Variants in SYPL1 observed in about 807,000 individuals in gnomAD.
SYPL1 encodes the protein synaptophysin-like protein 1.
In SYPL1, 6 loss-of-function variants were observed where a neutral mutation model predicts 23.7. The ratio of observed to expected loss-of-function variants is 0.25; its 90% confidence interval spans 0.14 to 0.50. SYPL1 has a LOEUF of 0.50. SYPL1 is among the 20% of genes least tolerant of loss of function. The pLI, the probability that SYPL1 is intolerant of heterozygous loss-of-function variation, is 0.98. For synonymous variants in SYPL1, 102 were observed against 104.5 expected (o/e 0.98, Z 0.15); for missense variants, 253 against 288.9 (o/e 0.88, Z 0.90).
At chr7:106,107,161 ATCAT>A (rs1393177382) in intron 1 of SYPL1, among the ~76,000 whole-genome samples, 1 of 152,242 alleles carries the variant, frequency 6.6e-6, no homozygotes, top group Non-Finnish European at 1.5e-5. Flanking sequence ...AAGTCAAATG[ATCAT>A]TCAGCACTTA....
Position 106,097,340 on chromosome 7 carries a change from AAAGT to A in SYPL1, c.402+346_402+349del, listed in dbSNP as rs1840063770. Reference sequence around the variant, plus strand: ...AAAGTGGGCCTTTAGAGAAAGAAAAAAAGTAAGAAGCAGAAAGAGTTATGAGACT... The same window carrying A: ...AAAGTGGGCCTTTAGAGAAAGAAAAAAAGAAGCAGAAAGAGTTATGAGACT... On this transcript the variant is annotated intron_variant, in intron 3 of 4. Coordinates refer to ENST00000455385, the MANE Select transcript of SYPL1 (RefSeq NM_182715.4). This position sits in a 1 kb window ranked among gnomAD's most constrained non-coding sequence, Gnocchi z 4.6. 6.6e-6 allele frequency among the ~76,000 whole-genome samples: 1 copy of A among 152,240 alleles called. No homozygotes were observed. The highest frequency in any genetic ancestry group is 2.4e-5 in the African/African-American group (1 of 41,464).
In SYPL1 at chr7:106,097,701, G is replaced by A; in HGVS notation, c.391C>T (p.Leu131Phe). 1 of 1,612,138 alleles carries A rather than the reference G, an allele frequency of 6.2e-7. No individual in the cohort carries two copies. The highest frequency in any genetic ancestry group is 1.3e-5 in the African/African-American group (1 of 75,032). Residue 131 changes from leucine to phenylalanine, a missense_variant, in exon 3 of 5, where the codon CTT (leucine) becomes TTT (phenylalanine). Transcript: ENST00000455385. This position sits in a 1 kb window ranked among gnomAD's most constrained non-coding sequence, Gnocchi z 4.6. ...AAGTGATTACTTACTATCATAGGAA[G>A]TTTACGACTATCCAGATACAGACTC... ...YTSLYLDSRK[L>F]PMIDFVVTLV...
rs1160589711 is a variant in SYPL1, at chr7:106,109,293, G to A, written c.69+2847C>T. On this transcript the variant is annotated intron_variant, in intron 1 of 4. Transcript: ENST00000455385. The surrounding 1 kb of genome is among the most constrained non-coding windows in gnomAD (Gnocchi z 4.3). ...TCTCCCATCTTCACAGTCAAACAGC[G>A]GTTTATGCTGTCTTCACTTTCTTAC... 2.0e-5 allele frequency among the ~76,000 whole-genome samples: 3 copies of A among 152,070 alleles called. No homozygotes were observed. Among genetic ancestry groups the A allele is most frequent in the Non-Finnish European group, 4.4e-5 (3 of 67,990 alleles).
intron 1 of SYPL1, among the ~76,000 whole-genome samples, chr7:106,105,459 C>T (rs1011962091): frequency 1.3e-5 from 2 of 149,562 alleles, no homozygotes; most frequent in African/African-American, 5.0e-5. Flanking sequence ...TGTTCACATA[C>T]AGCCCCAAGT....
At chr7:106,110,271 C>A (rs1460171814) in intron 1 of SYPL1, among the ~76,000 whole-genome samples, 4 of 152,180 alleles carry the variant, frequency 2.6e-5, no homozygotes, top group Non-Finnish European at 4.4e-5. Flanking sequence ...TATGCTGCTT[C>A]AACATTTCCT....
At chr7:106,098,138 C>A in intron 2 of SYPL1, among the ~76,000 whole-genome samples, 1 of 152,144 alleles carries the variant, frequency 6.6e-6, no homozygotes, top group East Asian at 1.9e-4. Context: ...TACTTTCATA[C>A]CCAGATACTA....
chr7:106,103,369 T>G (rs1840427587), intron 1 of SYPL1, among the ~76,000 whole-genome samples: 1 of 152,194 alleles, frequency 6.6e-6, no homozygotes, highest in African/African-American at 2.4e-5. Context: ...CTGCCTACAT[T>G]ACACCTGCCA....
At position 106,095,416 on chromosome 7, in the gene SYPL1, C is replaced by T. The variant is rs896343090; in HGVS notation, c.402+2274G>A. Among the ~76,000 whole-genome samples, 1 of 150,832 alleles carries T rather than the reference C, an allele frequency of 6.6e-6. No individual in the cohort carries two copies. The highest frequency in any genetic ancestry group is 1.5e-5 in the Non-Finnish European group (1 of 67,904). On this transcript the variant is annotated intron_variant, in intron 3 of 4. Coordinates refer to ENST00000455385, the MANE Select transcript of SYPL1 (RefSeq NM_182715.4). This position sits in a 1 kb window ranked among gnomAD's most constrained non-coding sequence, Gnocchi z 4.3. Reference sequence around the variant, plus strand: ...CTAGGCTGGAATACAGTGGTGTGATCTTGGCTCACTGTAACCTCCACCTCC... The same window carrying T: ...CTAGGCTGGAATACAGTGGTGTGATTTTGGCTCACTGTAACCTCCACCTCC...
rs11545140 is a variant in SYPL1, at chr7:106,112,246, G to A, written c.-38C>T. ...GGAGGGAGAGAGAGTCAGGACGACG[G>A]GGCGGAGGAGGGGACCGACGAGACC... On this transcript the variant is annotated 5_prime_UTR_variant, in exon 1 of 5. Transcript: ENST00000455385. 2.0e-6 allele frequency: 3 copies of A among 1,517,546 alleles called. No individual in the cohort carries two copies. The highest frequency in any genetic ancestry group is 2.7e-6 in the Non-Finnish European group (3 of 1,122,854). 94.0% of individuals were successfully genotyped at this position (1,517,546 alleles called of 1,614,324 possible).
intron 2 of SYPL1, 120 bp from the exon 3 acceptor site, chr7:106,098,017 GA>G: frequency 1.2e-6 from 1 of 814,222 alleles, no homozygotes. Context: ...TTCCTTTGGG[GA>G]AAAAAGTAAA....
At position 106,099,172 on chromosome 7, in the gene SYPL1, A is replaced by G; in HGVS notation, c.180T>C (p.Phe60=). The change falls in exon 2 of 5, where the codon TTT becomes TTC. Residue 60 remains phenylalanine (F), a synonymous_variant. Transcript: ENST00000455385. ...ATATAACTCACCTGAATGGATAACC[A>G]AAAGTAGCTGTAACAGTTTTATTCT... ...VTENKTVTAT[F]GYPFRLNEAS... The G allele has an allele frequency of 6.2e-7, 1 of 1,611,118 alleles. No individual in the cohort carries two copies. The highest frequency in any genetic ancestry group is 8.5e-7 in the Non-Finnish European group (1 of 1,179,302).
chr7:106,098,653 G>A (rs924710513), intron 2 of SYPL1, among the ~76,000 whole-genome samples: 3 of 152,164 alleles, frequency 2.0e-5, no homozygotes, highest in Non-Finnish European at 2.9e-5. Flanking sequence ...AGACTTCACA[G>A]ATGAAATACT....
At chr7:106,106,981 T>G (rs1840637883) in intron 1 of SYPL1, among the ~76,000 whole-genome samples, 1 of 152,270 alleles carries the variant, frequency 6.6e-6, no homozygotes, top group African/African-American at 2.4e-5. Flanking sequence ...CGTTTCTAGT[T>G]GCAGGATCTT....
At position 106,112,116 on chromosome 7, in the gene SYPL1, C is replaced by T. The variant is rs545419462; in HGVS notation, c.69+24G>A. On this transcript the variant is annotated intron_variant, in intron 1 of 4. Coordinates refer to ENST00000455385, the MANE Select transcript of SYPL1 (RefSeq NM_182715.4). ...GCGCCGCGCCGAGCGGCAGGCGGGC[C>T]TGGCCGGCGCGGGCTGCACTCACCC... The T allele has an allele frequency of 1.3e-5, 19 of 1,438,416 alleles. No homozygotes were observed. In the African/African-American group the frequency reaches 2.6e-4, roughly 20 times the overall value. 89.1% of individuals were successfully genotyped at this position (1,438,416 alleles called of 1,614,324 possible).
chr7:106,112,534 C>A (rs200891171), upstream of SYPL1: 22 of 1,510,894 alleles, frequency 1.5e-5, no homozygotes, highest in East Asian at 6.1e-4. Context: ...CGCCATACTG[C>A]GTGCGCCGCG....
chr7:106,102,377 T>C (rs1840372760), intron 1 of SYPL1, among the ~76,000 whole-genome samples: 1 of 152,232 alleles, frequency 6.6e-6, no homozygotes, highest in Non-Finnish European at 1.5e-5. Flanking sequence ...ATTACAGGCT[T>C]GAACCACAAC....
chr7:106,092,968 C>T lies in SYPL1; in HGVS notation c.572G>A (p.Gly191Glu), dbSNP rs772558870. 12 of 1,602,074 alleles carry T rather than the reference C, an allele frequency of 7.5e-6. No individual in the cohort carries two copies. In the Admixed American group the frequency reaches 2.1e-4, roughly 28 times the overall value. The change falls in exon 4 of 5, where the codon GGA (glycine) becomes GAA (glutamate). Residue 191 changes from glycine (G) to glutamate (E), a missense_variant. Gly to Glu is a moderately conservative substitution (Grantham distance 98). Transcript: ENST00000455385. ...ACATACCACAGATACATTTAGGGAT[C>T]CCATACTGGTCACAGAGCCAAAGTA... is the stretch of plus-strand genomic sequence containing the variant. ...LCYFGSVTSM[G>E]SLNVSVIFGF...
rs1840040205 is a variant in SYPL1, at chr7:106,096,841, A to G, written c.402+849T>C. 6.6e-6 allele frequency among the ~76,000 whole-genome samples: 1 copy of G among 152,276 alleles called. No individual in the cohort carries two copies. The highest frequency in any genetic ancestry group is 1.9e-4 in the East Asian group (1 of 5,190). ...TTTTTATCTCTGTTACAACTACTCA[A>G]CTTTACCATTGCAGTGTGAAAGCAG... is the stretch of plus-strand genomic sequence containing the variant. On this transcript the variant is annotated intron_variant, in intron 3 of 4. Transcript: ENST00000455385. This position sits in a 1 kb window ranked among gnomAD's most constrained non-coding sequence, Gnocchi z 4.4.
chr7:106,097,178 G>C lies in SYPL1; in HGVS notation c.402+512C>G, dbSNP rs1840056524. 6.6e-6 allele frequency among the ~76,000 whole-genome samples: 1 copy of C among 152,156 alleles called. No individual in the cohort carries two copies. The highest frequency in any genetic ancestry group is 1.9e-4 in the East Asian group (1 of 5,200). On this transcript the variant is annotated intron_variant, in intron 3 of 4. Transcript: ENST00000455385. This position sits in a 1 kb window ranked among gnomAD's most constrained non-coding sequence, Gnocchi z 4.6. ...AGATGGTGCTACTGCCCTCCTGCCT[G>C]GGCGACAAAGCGAGACCTTGTCTCA... is the stretch of plus-strand genomic sequence containing the variant.
Sources: gnomAD v4.1 joint callset for allele counts (sites outside exome capture counted in the v4.1 genomes callset) on GRCh38, gnomAD v4.1.1 for gene constraint, Gnocchi (gnomAD v3.1) non-coding constraint, MANE v1.5 for transcripts, NCBI Gene and HGNC (gene_info 2026-07-23, HGNC 2026-07-21) for gene names.